Variants in DENND2A observed in about 807,000 individuals in gnomAD.
DENND2A encodes the protein DENN domain-containing protein 2A.
DENND2A carries 53 observed loss-of-function variants against 105.3 expected under a neutral mutation model. The observed-to-expected ratio is 0.50, with a 90% CI of 0.40 to 0.63. The LOEUF (loss-of-function observed/expected upper bound fraction) is 0.63. DENND2A is among the 30% of genes least tolerant of loss of function. The pLI is 0.00. For synonymous variants in DENND2A, 522 were observed against 508.4 expected (o/e 1.03, Z -0.36); for missense variants, 1,138 against 1,279.6 (o/e 0.89, Z 1.69).
chr7:140,518,592 G>C lies in DENND2A; in HGVS notation c.*115C>G. On this transcript the variant is annotated 3_prime_UTR_variant, in exon 20 of 20. Transcript: ENST00000496613. Reference sequence around the variant, plus strand: ...CCCAGCCTCGGCCAGAAGCCACCGCGGCCTCCAGTTCCGCACCGTGACAAC... The same window carrying C: ...CCCAGCCTCGGCCAGAAGCCACCGCCGCCTCCAGTTCCGCACCGTGACAAC... 1 of 1,093,480 alleles carries C rather than the reference G, an allele frequency of 9.1e-7. No homozygotes were observed. Among genetic ancestry groups the C allele is most frequent in the Non-Finnish European group, 1.3e-6 (1 of 752,276 alleles). The allele number at this position is 1,093,480 out of a possible 1,614,324, so 67.7% of individuals were successfully genotyped here. A position where few individuals can be genotyped will look rare whatever the true frequency, so the allele number is the denominator to read the frequency against.
intron 1 of DENND2A, among the ~76,000 whole-genome samples, chr7:140,608,946 TTAAATA>T (rs1489625209): frequency 6.6e-6 from 1 of 152,096 alleles, no homozygotes; most frequent in Admixed American, 6.6e-5. Flanking sequence ...GAATCTGCAT[TTAAATA>T]TGGTAAATCA....
rs190320727 is a variant in DENND2A, at chr7:140,522,120, G to A, written c.2666-20C>T. ...CTGGACCTGAGTAAGGGGAGGAAAG[G>A]CCAGGAACGGTGAGGGCAGACAGGC... is the stretch of plus-strand genomic sequence containing the variant. On this transcript the variant is annotated intron_variant, in intron 17 of 19. Transcript: ENST00000496613. 2.2e-3 allele frequency: 3,551 copies of A among 1,613,212 alleles called. 20 individuals are homozygous for A. In the Middle Eastern group the frequency reaches 0.039, roughly 18 times the overall value.
At chr7:140,554,793 C>T (rs1014217859) in intron 12 of DENND2A, among the ~76,000 whole-genome samples, 1 of 152,138 alleles carries the variant, frequency 6.6e-6, no homozygotes, top group Non-Finnish European at 1.5e-5. Context: ...TAATTCAATA[C>T]GGCAATTCCT....
intron 3 of DENND2A, among the ~76,000 whole-genome samples, chr7:140,590,940 G>C (rs145073167): frequency 1.3e-5 from 2 of 151,610 alleles, no homozygotes; most frequent in East Asian, 1.9e-4. Flanking sequence ...ACACATAAAA[G>C]GTCACTAGTC....
intron 2 of DENND2A, among the ~76,000 whole-genome samples, chr7:140,603,480 T>C (rs1466412926): frequency 3.9e-5 from 6 of 152,228 alleles, no homozygotes; most frequent in Admixed American, 6.5e-5. Flanking sequence ...AAAGCCACAA[T>C]GATTGGATGC....
intron 5 of DENND2A, among the ~76,000 whole-genome samples, 157 bp from the exon 6 acceptor site, chr7:140,574,165 T>C (rs1798207819): frequency 6.6e-6 from 1 of 152,210 alleles, no homozygotes; most frequent in Non-Finnish European, 1.5e-5. Context: ...AAGTGTTCAA[T>C]GAATACATAT....
At chr7:140,597,231 A>G (rs73500418) in intron 3 of DENND2A, among the ~76,000 whole-genome samples, 7,100 of 152,296 alleles carry the variant, frequency 0.047, 519 homozygotes, top group African/African-American at 0.16. Flanking sequence ...TAATTGGCCT[A>G]TGAAAATAAG....
intron 3 of DENND2A, among the ~76,000 whole-genome samples, chr7:140,594,520 G>A (rs1405036499): frequency 6.6e-6 from 1 of 152,158 alleles, no homozygotes. Context: ...ACACATCCCT[G>A]CTGAATGTTC....
intron 13 of DENND2A, among the ~76,000 whole-genome samples, chr7:140,546,172 C>A (rs1433128319): frequency 6.6e-6 from 1 of 152,132 alleles, no homozygotes; most frequent in Non-Finnish European, 1.5e-5. Flanking sequence ...GTAATCCTAG[C>A]ACTTTGGGAG....
At position 140,544,730 on chromosome 7, in the gene DENND2A, C is replaced by G; in HGVS notation, c.2215G>C (p.Glu739Gln). 3.1e-6 allele frequency: 5 copies of G among 1,603,396 alleles called. No individual in the cohort carries two copies. Among genetic ancestry groups the G allele is most frequent in the Non-Finnish European group, 4.3e-6 (5 of 1,175,296 alleles). ...ELCRPLDSRL[E>Q]HVDFESLFSS... ...AAGAGAGACTCAAAGTCCACGTGCT[C>G]GAGCCGGGAGTCCAGCGGGCGGCAC... Residue 739 changes from glutamate to glutamine, a missense_variant, in exon 14 of 20, where the codon GAG becomes CAG. By Grantham distance (29) the Glu-to-Gln change is conservative (BLOSUM62 2). Transcript: ENST00000496613.
At chr7:140,567,927 G>A (rs192159502) in intron 8 of DENND2A, among the ~76,000 whole-genome samples, 14 of 152,238 alleles carry the variant, frequency 9.2e-5, no homozygotes, top group East Asian at 3.9e-4. Context: ...CTGTCACCTC[G>A]TTCAGCAATC....
At chr7:140,529,854 A>G (rs1283876712) in intron 14 of DENND2A, among the ~76,000 whole-genome samples, 1 of 152,080 alleles carries the variant, frequency 6.6e-6, no homozygotes, top group Non-Finnish European at 1.5e-5. Context: ...ATGACGAGTT[A>G]ATGGGTGCAG....
chr7:140,569,689 C>A lies in DENND2A; in HGVS notation c.1496G>T (p.Arg499Leu), dbSNP rs1411430708. Reference sequence around the variant, plus strand: ...CATTGACTGGGACAGCCTCTTCACCCGTTTCTTTCCTCTCCGGACCTCATA... The same window carrying A: ...CATTGACTGGGACAGCCTCTTCACCAGTTTCTTTCCTCTCCGGACCTCATA... ...AIYEVRRGKK[R>L]VKRLSQSMES... Residue 499 changes from arginine to leucine, a missense_variant, in exon 7 of 20, where the codon CGG becomes CTG. Around this residue, in one of 2 missense-constraint regions of DENND2A, gnomAD observed 627 missense variants for 779.8 expected, o/e 0.80. Transcript: ENST00000496613. The A allele has an allele frequency of 1.9e-6, 3 of 1,613,920 alleles. No individual in the cohort carries two copies. Among genetic ancestry groups the A allele is most frequent in the South Asian group, 2.2e-5 (2 of 91,086 alleles).
At chr7:140,623,098 G>A (rs2130723826) in intron 1 of DENND2A, among the ~76,000 whole-genome samples, 1 of 151,904 alleles carries the variant, frequency 6.6e-6, no homozygotes, top group East Asian at 2.0e-4. Context: ...ACTTTGGGAG[G>A]CTGAGGCGGG....
At chr7:140,606,852 A>G (rs184705043) in intron 1 of DENND2A, among the ~76,000 whole-genome samples, 1 of 152,190 alleles carries the variant, frequency 6.6e-6, no homozygotes, top group African/African-American at 2.4e-5. Context: ...TATAAACTGA[A>G]GTAACTGATT....
intron 6 of DENND2A, among the ~76,000 whole-genome samples, chr7:140,572,491 G>A (rs112473320): frequency 0.027 from 4,055 of 151,826 alleles, 183 homozygotes; most frequent in African/African-American, 0.092. Flanking sequence ...GGCTGGGCAC[G>A]GTGGCTCATG....
chr7:140,539,811 C>G (rs191487350), intron 14 of DENND2A, among the ~76,000 whole-genome samples: 1 of 152,366 alleles, frequency 6.6e-6, no homozygotes, highest in African/African-American at 2.4e-5. Flanking sequence ...TGTCTCAGAG[C>G]TCTTCGGGCC....
intron 13 of DENND2A, among the ~76,000 whole-genome samples, chr7:140,545,739 A>C (rs1343156958): frequency 6.6e-6 from 1 of 152,102 alleles, no homozygotes; most frequent in East Asian, 1.9e-4. Flanking sequence ...ACCCATGTGC[A>C]TGTTTTTTTC....
chr7:140,622,483 A>G (rs1042376105), intron 1 of DENND2A, among the ~76,000 whole-genome samples: 1 of 152,150 alleles, frequency 6.6e-6, no homozygotes, highest in Non-Finnish European at 1.5e-5. Context: ...TCTTTATCCA[A>G]ATTCACCAAG....
Sources: gnomAD v4.1 joint callset for allele counts (sites outside exome capture counted in the v4.1 genomes callset) on GRCh38, gnomAD v4.1.1 for gene constraint, gnomAD v4.1.1 regional missense constraint, MANE v1.5 for transcripts, NCBI Gene and HGNC (gene_info 2026-07-23, HGNC 2026-07-21) for gene names.